Variants in PTPRK observed in about 807,000 individuals in gnomAD.
PTPRK encodes protein tyrosine phosphatase receptor type K.
In PTPRK, 75 loss-of-function variants were observed where a neutral mutation model predicts 178.0. The observed-to-expected ratio is 0.42, with a 90% CI of 0.35 to 0.51. The LOEUF (loss-of-function observed/expected upper bound fraction) is 0.51. PTPRK is among the 20% of genes least tolerant of loss of function. The pLI is 0.02. For missense variants in PTPRK, 1,441 were observed against 1,797.8 expected, an observed-to-expected ratio of 0.80 and a Z score of 3.59; for synonymous variants, 637 against 620.6, an observed-to-expected ratio of 1.03 and a Z score of -0.39.
intron 3 of PTPRK, among the ~76,000 whole-genome samples, chr6:128,307,858 G>A (rs970652814): frequency 1.3e-5 from 2 of 152,112 alleles, no homozygotes; most frequent in Non-Finnish European, 2.9e-5. Context: ...CAGCTGGAAT[G>A]CCAATTGTTC....
intron 3 of PTPRK, among the ~76,000 whole-genome samples, chr6:128,264,864 C>T (rs759243007): frequency 1.1e-4 from 16 of 152,074 alleles, no homozygotes; most frequent in Non-Finnish European, 1.6e-4. Flanking sequence ...ATAAATCTCA[C>T]GAGATCTGAT....
chr6:127,977,438 G>A (rs1013556975), intron 25 of PTPRK, among the ~76,000 whole-genome samples: 5 of 152,198 alleles, frequency 3.3e-5, no homozygotes, highest in Admixed American at 3.3e-4. Context: ...TCTCTGAGAG[G>A]CTGAAGGCAA....
intron 2 of PTPRK, among the ~76,000 whole-genome samples, chr6:128,371,973 T>C (rs1202849629): frequency 6.6e-6 from 1 of 152,132 alleles, no homozygotes; most frequent in Non-Finnish European, 1.5e-5. Context: ...AAGCTATAAA[T>C]TCAATGGCAT....
At chr6:128,143,407 C>T (rs1033058132) in intron 7 of PTPRK, among the ~76,000 whole-genome samples, 2 of 152,146 alleles carry the variant, frequency 1.3e-5, no homozygotes, top group Non-Finnish European at 2.9e-5. Flanking sequence ...TGTTTTATTT[C>T]TGGTGGTAAC....
intron 1 of PTPRK, among the ~76,000 whole-genome samples, chr6:128,467,286 T>G (rs1223206293): frequency 6.6e-6 from 1 of 152,212 alleles, no homozygotes; most frequent in Non-Finnish European, 1.5e-5. Context: ...ACTGGCCTAG[T>G]GCAGTGTTAA....
chr6:128,250,049 T>A (rs1240900333), intron 3 of PTPRK, among the ~76,000 whole-genome samples: 1 of 152,166 alleles, frequency 6.6e-6, no homozygotes, highest in Admixed American at 6.5e-5. Context: ...TTCAGGAGAT[T>A]TGAGGTTTCC....
intron 21 of PTPRK, among the ~76,000 whole-genome samples, 182 bp from the exon 22 acceptor site, chr6:127,986,057 T>C (rs1050677595): frequency 1.3e-5 from 2 of 152,142 alleles, no homozygotes; most frequent in Non-Finnish European, 2.9e-5. Flanking sequence ...ACTAGGAGCT[T>C]ACCTTTATTG....
At chr6:128,103,090 A>T (rs1283360141) in intron 7 of PTPRK, among the ~76,000 whole-genome samples, 1 of 151,012 alleles carries the variant, frequency 6.6e-6, no homozygotes, top group East Asian at 1.9e-4. Flanking sequence ...TGAGCAGATG[A>T]GCAGAAGAAC....
At chr6:128,161,605 A>C (rs1322883180) in intron 7 of PTPRK, among the ~76,000 whole-genome samples, 1 of 151,536 alleles carries the variant, frequency 6.6e-6, no homozygotes, top group Non-Finnish European at 1.5e-5. Context: ...CTCCAATTCA[A>C]ATTTAACTCT....
intron 2 of PTPRK, among the ~76,000 whole-genome samples, chr6:128,360,255 T>G (rs758107068): frequency 2.0e-5 from 3 of 152,204 alleles, no homozygotes; most frequent in Admixed American, 6.5e-5. Context: ...CTGGTCGCTT[T>G]AAGTGAGAAA....
chr6:127,974,651 A>T (rs1385533995), intron 27 of PTPRK, among the ~76,000 whole-genome samples: 1 of 152,224 alleles, frequency 6.6e-6, no homozygotes, highest in Non-Finnish European at 1.5e-5. Context: ...TATCGCAAAG[A>T]GGTCATCTCT....
chr6:128,194,736 T>G (rs964073214), intron 6 of PTPRK, among the ~76,000 whole-genome samples: 1 of 152,172 alleles, frequency 6.6e-6, no homozygotes, highest in Non-Finnish European at 1.5e-5. Flanking sequence ...TAGGAGACTT[T>G]TTAAAAAATA....
In PTPRK at chr6:128,520,571, C is replaced by A; in HGVS notation, c.-213G>T. Reference sequence around the variant, plus strand: ...CCGGCCGGCCGCGGCGGCAGCTCTCCATGCTCGGCGGAGGCTGCTCCTGTT... The same window carrying A: ...CCGGCCGGCCGCGGCGGCAGCTCTCAATGCTCGGCGGAGGCTGCTCCTGTT... On this transcript the variant is annotated 5_prime_UTR_variant, in exon 1 of 30. An upstream start codon of the reference 5' UTR is lost. Transcript: ENST00000368226. 1 of 558,772 alleles carries A rather than the reference C, an allele frequency of 1.8e-6. No homozygotes were observed. The highest frequency in any genetic ancestry group is 2.2e-5 in the South Asian group (1 of 44,644). 34.6% of individuals were successfully genotyped at this position (558,772 alleles called of 1,614,324 possible).
chr6:128,033,256 A>G (rs1775654784), intron 13 of PTPRK, among the ~76,000 whole-genome samples: 1 of 152,152 alleles, frequency 6.6e-6, no homozygotes, highest in African/African-American at 2.4e-5. Flanking sequence ...TTGACAGTGG[A>G]TTTTATTGGA....
At chr6:128,000,704 G>A (rs902672302) in intron 15 of PTPRK, among the ~76,000 whole-genome samples, 1 of 152,140 alleles carries the variant, frequency 6.6e-6, no homozygotes, top group African/African-American at 2.4e-5. Context: ...AAATTCAGAA[G>A]CAATTGATTT....
chr6:128,297,051 C>CA (rs1824572542), intron 3 of PTPRK, among the ~76,000 whole-genome samples: 1 of 150,150 alleles, frequency 6.7e-6, no homozygotes, highest in Non-Finnish European at 1.5e-5. Context: ...AAATGGAAAA[C>CA]AAAAAAAGGC....
intron 1 of PTPRK, among the ~76,000 whole-genome samples, chr6:128,436,982 A>G (rs917846221): frequency 1.3e-5 from 2 of 152,116 alleles, no homozygotes; most frequent in African/African-American, 4.8e-5. Context: ...TAAGAGGGAA[A>G]TCTTGTGTTT....
intron 3 of PTPRK, among the ~76,000 whole-genome samples, chr6:128,317,674 T>C (rs1828202027): frequency 6.6e-6 from 1 of 152,178 alleles, no homozygotes; most frequent in African/African-American, 2.4e-5. Context: ...CCAGGCTCCT[T>C]GAATGCCTTC....
intron 12 of PTPRK, among the ~76,000 whole-genome samples, chr6:128,066,700 C>CAATAAATAAATA (rs138949244): frequency 8.7e-5 from 13 of 149,414 alleles, no homozygotes; most frequent in African/African-American, 3.0e-4. Context: ...CTCTGTCTGC[C>CAATAAATAAATA]AATAAATAAA....
Sources: gnomAD v4.1 joint callset for allele counts (sites outside exome capture counted in the v4.1 genomes callset) on GRCh38, gnomAD v4.1.1 for gene constraint, MANE v1.5 for transcripts, NCBI Gene and HGNC (gene_info 2026-07-23, HGNC 2026-07-21) for gene names.